The following CIMAP2 variants were observed in gnomAD, a reference collection of about 807,000 sequenced individuals.
CIMAP2 encodes the protein ciliary microtubule-associated protein 2.
At chr1:54,822,165 T>C in the CIMAP2 span, among the ~76,000 whole-genome samples, 1 of 150,330 alleles carries the variant, frequency 6.7e-6, no homozygotes, top group Non-Finnish European at 1.5e-5. Flanking sequence ...CCCAAAGTGC[T>C]GGGATTACAG....
chr1:54,836,501 G>A, the CIMAP2 span, among the ~76,000 whole-genome samples: 1 of 151,876 alleles, frequency 6.6e-6, no homozygotes, highest in African/African-American at 2.4e-5. Flanking sequence ...CTGAGCACAG[G>A]GAGAAACGTT....
chr1:54,840,110 T>C, the CIMAP2 span, among the ~76,000 whole-genome samples: 16 of 152,182 alleles, frequency 1.1e-4, no homozygotes, highest in Non-Finnish European at 2.4e-4. Context: ...AGGCAAGATA[T>C]AGAATATTCC....
the CIMAP2 span, among the ~76,000 whole-genome samples, chr1:54,834,001 C>G: frequency 6.6e-6 from 1 of 152,120 alleles, no homozygotes; most frequent in African/African-American, 2.4e-5. Context: ...CCACAGCCGG[C>G]TAATTTTTGT....
At chr1:54,812,309 C>G in the CIMAP2 span, 1 of 1,388,306 alleles carries the variant, frequency 7.2e-7, no homozygotes, top group Non-Finnish European at 9.8e-7. Context: ...TTCCCACACC[C>G]CCTCACTTCA....
At chr1:54,819,849 T>C in the CIMAP2 span, among the ~76,000 whole-genome samples, 3 of 112,938 alleles carry the variant, frequency 2.7e-5, no homozygotes, top group South Asian at 3.0e-4. Flanking sequence ...TCTTTCTTTC[T>C]TTCCTTCCTT....
chr1:54,822,108 C>T, the CIMAP2 span, among the ~76,000 whole-genome samples: 243 of 116,322 alleles, frequency 2.1e-3, 25 homozygotes, highest in African/African-American at 7.2e-3. Context: ...CCATTTTAGC[C>T]GGGATGGTCT....
the CIMAP2 span, chr1:54,806,130 A>T: frequency 6.5e-7 from 1 of 1,543,570 alleles, no homozygotes. Flanking sequence ...AGGGAAAGCC[A>T]GGATGCCGCC....
At chr1:54,815,124 C>T in the CIMAP2 span, 1,564 of 1,559,264 alleles carry the variant, frequency 1.0e-3, 6 homozygotes, top group African/African-American at 0.012. Flanking sequence ...CCCAGGTAAC[C>T]GATGCTTTGA....
the CIMAP2 span, chr1:54,806,128 C>T: frequency 1.3e-6 from 2 of 1,541,718 alleles, no homozygotes; most frequent in East Asian, 2.4e-5. Context: ...TGAGGGAAAG[C>T]CAGGATGCCG....
chr1:54,822,158 A>G, the CIMAP2 span, among the ~76,000 whole-genome samples: 1 of 98,594 alleles, frequency 1.0e-5, no homozygotes, highest in Non-Finnish European at 2.3e-5. Flanking sequence ...TCGGCCTCCC[A>G]AAGTGCTGGG....
chr1:54,829,453 C>G, the CIMAP2 span, among the ~76,000 whole-genome samples: 1 of 152,190 alleles, frequency 6.6e-6, no homozygotes, highest in Non-Finnish European at 1.5e-5. Flanking sequence ...GTCCATGAAG[C>G]CTTTGCCCTA....
At chr1:54,811,765 G>GCCGGGGGGGCGGCGCCCCCCC in the CIMAP2 span, 1 of 1,301,332 alleles carries the variant, frequency 7.7e-7, no homozygotes, top group Non-Finnish European at 1.1e-6. Flanking sequence ...GGTTCTGACA[G>GCCGGGGGGGCGGCGCCCCCCC]CCTCCATGCC....
At chr1:54,814,863 C>A in the CIMAP2 span, 1 of 1,611,154 alleles carries the variant, frequency 6.2e-7, no homozygotes, top group South Asian at 1.1e-5. Context: ...TGGGCCCAGG[C>A]TGACACTGCC....
At chr1:54,838,485 TA>T in the CIMAP2 span, among the ~76,000 whole-genome samples, 1,146 of 148,944 alleles carry the variant, frequency 7.7e-3, 12 homozygotes, top group Non-Finnish European at 0.012. Flanking sequence ...CCATCTCAAT[TA>T]AAAAAAAAAA....
the CIMAP2 span, among the ~76,000 whole-genome samples, chr1:54,809,083 C>A: frequency 1.7e-5 from 1 of 60,248 alleles, no homozygotes; most frequent in South Asian, 5.5e-4. Flanking sequence ...CACATAGGCA[C>A]GCAATAAGTA....
At chr1:54,814,871 G>T in the CIMAP2 span, 12 of 1,612,372 alleles carry the variant, frequency 7.4e-6, no homozygotes, top group Admixed American at 6.7e-5. Flanking sequence ...GGCTGACACT[G>T]CCAGAGCCTC....
the CIMAP2 span, among the ~76,000 whole-genome samples, chr1:54,818,885 G>A: frequency 1.1e-4 from 16 of 152,266 alleles, no homozygotes; most frequent in Admixed American, 6.5e-4. Flanking sequence ...GAGCCACTGC[G>A]GCTGGCTGCA....
the CIMAP2 span, chr1:54,817,127 G>C: frequency 5.7e-5 from 92 of 1,614,036 alleles, no homozygotes; most frequent in Non-Finnish European, 7.6e-5. Context: ...CATGCAGTGA[G>C]TGCAGCTGGA....
At chr1:54,807,204 C>T in the CIMAP2 span, 1 of 1,124,798 alleles carries the variant, frequency 8.9e-7, no homozygotes, top group South Asian at 1.3e-5. Flanking sequence ...TCTTCCAGCA[C>T]AGAGCTGGAC....
Sources: allele counts gnomAD v4.1 joint callset (sites outside exome capture counted in the v4.1 genomes callset), GRCh38; gene constraint gnomAD v4.1.1; transcripts MANE v1.5; gene names NCBI Gene and HGNC (gene_info 2026-07-23, HGNC 2026-07-21).